The following RYR3 variants were observed in gnomAD, a reference collection of about 807,000 sequenced individuals.
RYR3 encodes the protein ryanodine receptor 3.
A neutral mutation model predicts 584.3 loss-of-function variants in RYR3; 207 were observed. The ratio of observed to expected loss-of-function variants is 0.35; its 90% CI spans 0.32 to 0.40. The LOEUF is 0.40. RYR3 is among the 10% of genes least tolerant of loss of function. RYR3 has a pLI of 1.00. For missense variants in RYR3, 5,616 were observed against 6,089.2 expected (o/e 0.92, Z 2.59); for synonymous variants, 2,416 against 2,248.5 (o/e 1.07, Z -2.11).
At chr15:33,672,742 C>T (rs2063922859) in intron 38 of RYR3, among the ~76,000 whole-genome samples, 1 of 152,188 alleles carries the variant, frequency 6.6e-6, no homozygotes, top group South Asian at 2.1e-4. Flanking sequence ...TTCTATTACC[C>T]TTGCATTTGA....
chr15:33,578,298 A>G (rs954389041), intron 12 of RYR3, among the ~76,000 whole-genome samples: 5 of 152,208 alleles, frequency 3.3e-5, no homozygotes, highest in African/African-American at 1.2e-4. Flanking sequence ...TTATAAAGAT[A>G]CAGGTACACA....
At chr15:33,489,203 G>A (rs1328601887) in intron 2 of RYR3, among the ~76,000 whole-genome samples, 4 of 152,114 alleles carry the variant, frequency 2.6e-5, no homozygotes, top group Non-Finnish European at 1.5e-5. Flanking sequence ...ACAGCTTTAT[G>A]TTCCTTATTT....
intron 17 of RYR3, 73 bp from the exon 18 acceptor site, chr15:33,603,050 C>T (rs895491537): frequency 6.5e-7 from 1 of 1,549,242 alleles, no homozygotes; most frequent in African/African-American, 1.4e-5. Flanking sequence ...CCGTTGCCTC[C>T]TATGGTCTGG....
intron 87 of RYR3, among the ~76,000 whole-genome samples, chr15:33,835,950 G>C (rs1401524952): frequency 6.6e-6 from 1 of 152,074 alleles, no homozygotes; most frequent in Non-Finnish European, 1.5e-5. Flanking sequence ...CATCATCTCT[G>C]AAATATCCCA....
Position 33,864,296 on chromosome 15 carries a change from G to C in RYR3, c.14517+107G>C, listed in dbSNP as rs563884703. On this transcript the variant is annotated intron_variant, in intron 103 of 103. Transcript: ENST00000634891. Reference sequence around the variant, plus strand: ...ATACATACATGGCCCCATTAATCCCGTGAATGCATTTTCCCATCACCTTTT... The same window carrying C: ...ATACATACATGGCCCCATTAATCCCCTGAATGCATTTTCCCATCACCTTTT... 12 of 832,110 alleles carry C rather than the reference G, an allele frequency of 1.4e-5. No homozygotes were observed. In the South Asian group the frequency reaches 2.1e-4, roughly 15 times the overall value. 51.5% of individuals were successfully genotyped at this position (832,110 alleles called of 1,614,324 possible).
At position 33,746,141 on chromosome 15, in the gene RYR3, A is replaced by T. The variant is rs920096373; in HGVS notation, c.7973A>T (p.Lys2658Met). ...ACCCACCCACTGATAAGGCCTTTCAAGACATTAACGGAGAAGGTAAGAAGC... is the reference window on the plus strand; with the variant it reads ...ACCCACCCACTGATAAGGCCTTTCATGACATTAACGGAGAAGGTAAGAAGC... ...VKTHPLIRPF[K>M]TLTEKEKEIY... The change falls in exon 53 of 104, where the codon AAG becomes ATG. Residue 2658 changes from lysine to methionine, a missense_variant. This residue lies in a region of RYR3 where 1,280 missense variants were observed against 1,426.2 expected (regional missense o/e 0.90). Transcript: ENST00000634891. 18 of 1,596,026 alleles carry T rather than the reference A, an allele frequency of 1.1e-5. No individual in the cohort carries two copies. The African/African-American group carries it at 2.4e-4, about 21-fold the overall frequency.
chr15:33,778,040 C>T (rs1180166256), intron 64 of RYR3, among the ~76,000 whole-genome samples: 1 of 151,988 alleles, frequency 6.6e-6, no homozygotes, highest in Non-Finnish European at 1.5e-5. Context: ...TGTGGTGGTG[C>T]GTGCCTGTAG....
At chr15:33,488,397 T>C (rs1327562722) in intron 2 of RYR3, among the ~76,000 whole-genome samples, 1 of 152,178 alleles carries the variant, frequency 6.6e-6, no homozygotes, top group Non-Finnish European at 1.5e-5. Context: ...TAGCAGTATT[T>C]TTTTTCTTCC....
At chr15:33,798,893 C>G (rs73383338) in intron 67 of RYR3, among the ~76,000 whole-genome samples, 2,580 of 152,268 alleles carry the variant, frequency 0.017, 85 homozygotes, top group African/African-American at 0.058. Flanking sequence ...TGAGTCTCTA[C>G]ATTTCTTAGC....
At chr15:33,333,901 A>G (rs1322338068) in intron 1 of RYR3, among the ~76,000 whole-genome samples, 1 of 152,180 alleles carries the variant, frequency 6.6e-6, no homozygotes, top group Non-Finnish European at 1.5e-5. Flanking sequence ...TACACTAACA[A>G]CAGTCTAGCC....
chr15:33,374,024 G>T (rs1446722411), intron 1 of RYR3, among the ~76,000 whole-genome samples: 1 of 152,086 alleles, frequency 6.6e-6, no homozygotes, highest in African/African-American at 2.4e-5. Flanking sequence ...CTGGAATCAG[G>T]GATGCTGTCA....
At chr15:33,632,220 C>T (rs139952209) in intron 23 of RYR3, among the ~76,000 whole-genome samples, 1 of 152,242 alleles carries the variant, frequency 6.6e-6, no homozygotes, top group Non-Finnish European at 1.5e-5. Context: ...TGGCCCTGGC[C>T]TAGGCAGTCA....
At chr15:33,330,295 A>G (rs1028143446) in intron 1 of RYR3, among the ~76,000 whole-genome samples, 6 of 152,160 alleles carry the variant, frequency 3.9e-5, no homozygotes, top group Non-Finnish European at 5.9e-5. Context: ...GTTTATTCCC[A>G]GAACTTATAC....
chr15:33,679,397 C>T (rs1005903006), intron 38 of RYR3, among the ~76,000 whole-genome samples: 9 of 152,124 alleles, frequency 5.9e-5, no homozygotes, highest in Admixed American at 2.6e-4. Context: ...ATTTCTTCAT[C>T]CTCAGGTTTT....
At chr15:33,555,194 TAACC>T (rs2056987837) in intron 10 of RYR3, among the ~76,000 whole-genome samples, 1 of 152,216 alleles carries the variant, frequency 6.6e-6, no homozygotes, top group South Asian at 2.1e-4. Flanking sequence ...ACATGCCCTT[TAACC>T]TTTGCAGCCA....
rs3217346 is a variant in RYR3 at position 33,844,878 on chromosome 15, TAGA to T, written c.13320_13322del (p.Glu4441del). The T allele has an allele frequency of 0.15, 238,002 of 1,612,942 alleles. 19,402 individuals are homozygous for T. Among genetic ancestry groups the T allele is most frequent in the Middle Eastern group, 0.2 (1,235 of 6,062 alleles). ...TTGAGCCAGGTCACTGAAGAACCTTTAGAAGAAGAGACAGAGGATGTTGCAAAC... is the reference window on the plus strand; with the variant it reads ...TTGAGCCAGGTCACTGAAGAACCTTTAGAAGAGACAGAGGATGTTGCAAAC... On this transcript the variant is annotated inframe_deletion, in exon 93 of 104. Transcript: ENST00000634891.
chr15:33,463,494 C>A (rs1442512132), intron 1 of RYR3, among the ~76,000 whole-genome samples: 1 of 151,992 alleles, frequency 6.6e-6, no homozygotes, highest in Non-Finnish European at 1.5e-5. Context: ...GCAACTAGAT[C>A]ATTATTTTTC....
chr15:33,663,742 G>T lies in RYR3; in HGVS notation c.5619+5G>T. The T allele has an allele frequency of 6.3e-7, 1 of 1,598,466 alleles. No individual in the cohort carries two copies. On this transcript the variant is annotated splice_donor_5th_base_variant and intron_variant, in intron 36 of 103. Transcript: ENST00000634891. ...CGCTCACCCCCACAGGAGCAGGTGA[G>T]GGTCCTTCCTGAGCCTCTGTCCAGT...
At chr15:33,623,655 G>A (rs538701638) in intron 19 of RYR3, among the ~76,000 whole-genome samples, 152 bp from the exon 20 acceptor site, 1 of 152,140 alleles carries the variant, frequency 6.6e-6, no homozygotes, top group African/African-American at 2.4e-5. Context: ...GTTACATACT[G>A]GATGATGTTT....
Sources: allele counts gnomAD v4.1 joint callset (sites outside exome capture counted in the v4.1 genomes callset), GRCh38; gene constraint gnomAD v4.1.1; regional missense constraint gnomAD v4.1.1; transcripts MANE v1.5; gene names NCBI Gene and HGNC (gene_info 2026-07-23, HGNC 2026-07-21).